The following CA4 variants were observed in gnomAD, a reference collection of about 807,000 sequenced individuals.
The protein encoded by CA4 is CA-IV.
CA4 carries 24 observed loss-of-function variants against 34.5 expected under a neutral mutation model. That is an observed-to-expected ratio of 0.70 (90% CI 0.50 to 0.98). The LOEUF is 0.98. CA4 is among the 50% of genes least tolerant of loss of function. The probability of loss-of-function intolerance (pLI) is 0.00; values close to 1 mark genes in which losing one functional copy is unlikely to be tolerated. For missense variants in CA4, 394 were observed against 396.7 expected, an observed-to-expected ratio of 0.99 and a Z score of 0.06; for synonymous variants, 178 against 170.6, an observed-to-expected ratio of 1.04 and a Z score of -0.34.
chr17:60,157,500 G>A lies in CA4; in HGVS notation c.342G>A (p.Leu114=), dbSNP rs764514138. The part of the protein sequence containing the change: ...GLPAPYQAKQ[L]HLHWSDLPYK... ...CTGCCCCATACCAGGCCAAACAGTTGCACCTGCACTGGTCCGACTTGCCAT... is the reference window on the plus strand; with the variant it reads ...CTGCCCCATACCAGGCCAAACAGTTACACCTGCACTGGTCCGACTTGCCAT... Residue 114 remains leucine (L), a synonymous_variant, in exon 4 of 8, where the codon TTG becomes TTA. Coordinates refer to ENST00000300900, the MANE Select transcript of CA4 (RefSeq NM_000717.5). 1.9e-6 allele frequency: 3 copies of A among 1,614,182 alleles called. No individual in the cohort carries two copies. In the South Asian group the frequency reaches 3.3e-5, roughly 18 times the overall value.
chr17:60,151,743 TC>T (rs1228258454), intron 1 of CA4, among the ~76,000 whole-genome samples: 3 of 152,158 alleles, frequency 2.0e-5, no homozygotes, highest in African/African-American at 7.2e-5. Context: ...CAAGCTGCTA[TC>T]CCCTTTAGTG....
At chr17:60,153,584 G>A (rs754942021) in intron 1 of CA4, among the ~76,000 whole-genome samples, 3 of 152,196 alleles carry the variant, frequency 2.0e-5, no homozygotes, top group Admixed American at 6.5e-5. Context: ...TCTTGTGCAA[G>A]ATCCAAGAAC....
At chr17:60,161,216 G>T (rs1193660387), downstream of CA4, among the ~76,000 whole-genome samples, 1 of 151,996 alleles carries the variant, frequency 6.6e-6, no homozygotes, top group African/African-American at 2.4e-5. Flanking sequence ...TGGAGGGAGA[G>T]ACTGGGAGGA....
Position 60,155,585 on chromosome 17 carries a change from AAACACACACAC to A in CA4, c.112+232_112+242del, listed in dbSNP as rs547041213. Among the ~76,000 whole-genome samples, 478 of 151,140 alleles carry A rather than the reference AAACACACACAC, an allele frequency of 3.2e-3. 3 individuals are homozygous for A. The highest frequency in any genetic ancestry group is 9.5e-3 in the African/African-American group (391 of 41,072). On this transcript the variant is annotated intron_variant, in intron 2 of 7. Transcript: ENST00000300900. Reference sequence around the variant, plus strand: ...TATACAAACACACACACTCACACAGAAACACACACACAACACACACACAAGCACACACTCAA... The same window carrying A: ...TATACAAACACACACACTCACACAGAAACACACACACAAGCACACACTCAA...
rs1470667590 is a variant in CA4 at position 60,159,389 on chromosome 17, ATGCTGGCCTGCC to A, written c.913_924del (p.Cys305_Ala308del). ...GGCCCTGCCTGCCCTGCTGGGCCCCATGCTGGCCTGCCTGCTGGCCGGCTTCCTGCGATGATG... is the reference window on the plus strand; with the variant it reads ...GGCCCTGCCTGCCCTGCTGGGCCCCATGCTGGCCGGCTTCCTGCGATGATG... On this transcript the variant is annotated inframe_deletion, in exon 8 of 8. Transcript: ENST00000300900. 3 of 1,612,324 alleles carry A rather than the reference ATGCTGGCCTGCC, an allele frequency of 1.9e-6. No individual in the cohort carries two copies. The highest frequency in any genetic ancestry group is 2.5e-6 in the Non-Finnish European group (3 of 1,179,702).
chr17:60,166,660 T>G (rs34820870), intron 5 of CA4, among the ~76,000 whole-genome samples: 20,005 of 152,174 alleles, frequency 0.13, 2,725 homozygotes, highest in African/African-American at 0.34. Context: ...GGCTAACAAA[T>G]AGAGCTGAGA....
chr17:60,165,071 AATT>A (rs2145299847), intron 5 of CA4, among the ~76,000 whole-genome samples: 1 of 152,268 alleles, frequency 6.6e-6, no homozygotes, highest in African/African-American at 2.4e-5. Context: ...AATAATTTAT[AATT>A]ATTATGATGA....
chr17:60,151,769 C>A (rs2083595881), intron 1 of CA4, among the ~76,000 whole-genome samples: 2 of 152,156 alleles, frequency 1.3e-5, no homozygotes, highest in Admixed American at 1.3e-4. Context: ...GGCTTTCTGA[C>A]TGGGACCTGC....
chr17:60,158,547 G>T (rs2083737774), intron 7 of CA4, 101 bp downstream of exon 7: 1 of 1,229,548 alleles, frequency 8.1e-7, no homozygotes, highest in Non-Finnish European at 1.2e-6. Context: ...CAGGTGGGGA[G>T]CCCAGGTAAC....
At chr17:60,176,782 G>C in the CA4 span, among the ~76,000 whole-genome samples, 2 of 152,110 alleles carry the variant, frequency 1.3e-5, no homozygotes, top group Non-Finnish European at 1.5e-5. Flanking sequence ...ATTTTTCCAC[G>C]GACTGGGGGA....
At chr17:60,164,732 A>G (rs2083837880) in intron 5 of CA4, among the ~76,000 whole-genome samples, 1 of 152,184 alleles carries the variant, frequency 6.6e-6, no homozygotes, top group South Asian at 2.1e-4. Context: ...TGTGCCAGGG[A>G]CAGAGGATTT....
At chr17:60,158,596 G>A in intron 7 of CA4, 150 bp downstream of exon 7, 1 of 768,840 alleles carries the variant, frequency 1.3e-6, no homozygotes, top group East Asian at 2.7e-5. Flanking sequence ...ACTGAAGACA[G>A]GCAAGAAAAG....
intron 7 of CA4, 85 bp from the exon 8 acceptor site, chr17:60,159,145 A>G (rs745887096): frequency 1.8e-5 from 22 of 1,218,878 alleles, no homozygotes; most frequent in Non-Finnish European, 2.4e-5. Flanking sequence ...GGCTCCCAGG[A>G]CAGGATGAGG....
At chr17:60,154,015 C>T (rs2145259504) in intron 1 of CA4, among the ~76,000 whole-genome samples, 1 of 152,256 alleles carries the variant, frequency 6.6e-6, no homozygotes, top group South Asian at 2.1e-4. Context: ...TGTCCCCACT[C>T]CGGGGACTCT....
intron 3 of CA4, 97 bp downstream of exon 3, chr17:60,156,812 C>G: frequency 1.8e-6 from 2 of 1,134,730 alleles, no homozygotes; most frequent in Non-Finnish European, 1.3e-6. Flanking sequence ...CAGACCCAGG[C>G]CCATCTGTGC....
chr17:60,169,119 T>C (rs1394222418), intron 5 of CA4, among the ~76,000 whole-genome samples: 8 of 151,956 alleles, frequency 5.3e-5, no homozygotes, highest in Non-Finnish European at 1.2e-4. Flanking sequence ...TGGTGGTGCA[T>C]GCCTGTAATT....
rs1193542552 is a variant in CA4, at chr17:60,165,312, A to G, written c.*179-5239A>G. ...TCAGCACTCTGTCCCAACCGTACAC[A>G]GAACAGTTTACAGAGGAAGATCTCC... On this transcript the variant is annotated intron_variant and NMD_transcript_variant, in intron 5 of 5. Transcript: ENST00000586876. 2.0e-5 allele frequency among the ~76,000 whole-genome samples: 3 copies of G among 152,142 alleles called. No individual in the cohort carries two copies. The East Asian group carries it at 5.8e-4, about 29-fold the overall frequency.
chr17:60,157,294 CTG>C, intron 3 of CA4, 131 bp from the exon 4 acceptor site: 1 of 1,043,224 alleles, frequency 9.6e-7, no homozygotes, highest in Non-Finnish European at 1.5e-6. Flanking sequence ...CGCGCCACCC[CTG>C]CAGGCCAGAA....
At chr17:60,150,213 G>A (rs2083564832) in intron 1 of CA4, 121 bp downstream of exon 1, 1 of 834,462 alleles carries the variant, frequency 1.2e-6, no homozygotes, top group Non-Finnish European at 1.8e-6. Context: ...CTGGGGTCCC[G>A]GGTTGCGTGT....
Sources: allele counts gnomAD v4.1 joint callset (sites outside exome capture counted in the v4.1 genomes callset), GRCh38; gene constraint gnomAD v4.1.1; transcripts MANE v1.5; gene names NCBI Gene and HGNC (gene_info 2026-07-23, HGNC 2026-07-21).